SERPINF2: variants seen among roughly 807,000 people sequenced by gnomAD.
SERPINF2 encodes the protein serpin family F member 2.
In SERPINF2, 15 loss-of-function variants were observed where a neutral mutation model predicts 45.0. The ratio of observed to expected loss-of-function variants is 0.33; its 90% CI spans 0.22 to 0.51. The LOEUF (loss-of-function observed/expected upper bound fraction) is 0.51. SERPINF2 is among the 20% of genes least tolerant of loss of function. The pLI, the probability that SERPINF2 is intolerant of heterozygous loss-of-function variation, is 0.97. For synonymous variants in SERPINF2, 283 were observed against 277.9 expected (o/e 1.02, Z -0.18); for missense variants, 518 against 637.4 (o/e 0.81, Z 2.02).
rs749029655 is a variant in SERPINF2 at position 1,745,830 on chromosome 17, G to A, written c.288G>A (p.Leu96=). ...CCTTCACTGCCGACCTGTTCTCCCT[G>A]GTGGCTCAAACGTCCACCTGCCCCA... is the stretch of plus-strand genomic sequence containing the variant. ...MMAFTADLFS[L]VAQTSTCPNL... Residue 96 remains leucine (L), a synonymous_variant, in exon 5 of 10, where the codon CTG becomes CTA. Transcript: ENST00000453066. The surrounding 1 kb of genome is among the most constrained non-coding windows in gnomAD (Gnocchi z 6.2). 26 of 1,613,860 alleles carry A rather than the reference G, an allele frequency of 1.6e-5. No homozygotes were observed. The highest frequency in any genetic ancestry group is 5.0e-5 in the Admixed American group (3 of 59,982).
rs752512440 is a variant in SERPINF2 at position 1,745,177 on chromosome 17, C to A, written c.66C>A (p.Phe22Leu). 6.4e-6 allele frequency: 10 copies of A among 1,571,264 alleles called. No homozygotes were observed. Among genetic ancestry groups the A allele is most frequent in the Non-Finnish European group, 7.8e-6 (9 of 1,158,536 alleles). ...WSCLQGPCSV[F>L]SPVSAMEPLG... ...TATCCTCATCCCTTTCTCCACAGTT[C>A]TCCCCTGTGAGCGCCATGGAGCCCT... Residue 22 changes from phenylalanine (F) to leucine (L), a missense_variant and splice_region_variant, in exon 3 of 10, where the codon TTC becomes TTA. Physicochemically the swap from Phe to Leu is conservative, Grantham distance 22. Around this residue, in one of 2 missense-constraint regions of SERPINF2, gnomAD observed 435 missense variants for 577.3 expected, o/e 0.75. Coordinates refer to ENST00000453066, the MANE Select transcript of SERPINF2 (RefSeq NM_000934.4). The surrounding 1 kb of genome is among the most constrained non-coding windows in gnomAD (Gnocchi z 6.2).
Position 1,754,655 on chromosome 17 carries a change from C to T in SERPINF2, c.*121C>T. ...CGGGGGCAGTCTGAGAGAGGCCATT[C>T]TTTCCCAACACCTCTTGGGGAGTTT... On this transcript the variant is annotated 3_prime_UTR_variant, in exon 10 of 10. Coordinates refer to ENST00000453066, the MANE Select transcript of SERPINF2 (RefSeq NM_000934.4). The T allele has an allele frequency of 1.4e-6, 1 of 704,770 alleles. No homozygotes were observed. Among genetic ancestry groups the T allele is most frequent in the South Asian group, 1.9e-5 (1 of 53,280 alleles). 43.7% of individuals were successfully genotyped at this position (704,770 alleles called of 1,614,324 possible). A position where few individuals can be genotyped will look rare whatever the true frequency, so the allele number is the denominator to read the frequency against.
Position 1,754,681 on chromosome 17 carries a change from A to AGGGGGGGGGG in SERPINF2, c.*150_*151insGGGGGGGGGG. On this transcript the variant is annotated 3_prime_UTR_variant, in exon 10 of 10. Transcript: ENST00000453066. ...TTTCCCAACACCTCTTGGGGAGTTT[A>AGGGGGGGGGG]GGGTGGGGGGGGGGCGCGGCTGGGA... 1 of 87,772 alleles carries AGGGGGGGGGG rather than the reference A, an allele frequency of 1.1e-5. No homozygotes were observed. The highest frequency in any genetic ancestry group is 9.0e-5 in the South Asian group (1 of 11,088). 5.4% of individuals were successfully genotyped at this position (87,772 alleles called of 1,614,324 possible).
intron 9 of SERPINF2, 40 bp from the exon 10 acceptor site, chr17:1,754,082 C>A (rs1000891787): frequency 6.3e-7 from 1 of 1,598,594 alleles, no homozygotes; most frequent in Non-Finnish European, 8.5e-7. Context: ...GCCTGTGAGG[C>A]CAAGGGCAGC....
rs758012378 is a variant in SERPINF2 at position 1,748,659 on chromosome 17, G to A, written c.777G>A (p.Glu259=). The change falls in exon 8 of 10, where the codon GAG becomes GAA. Residue 259 remains glutamate (E), a synonymous_variant. Coordinates refer to ENST00000453066, the MANE Select transcript of SERPINF2 (RefSeq NM_000934.4). ...AGAGAGACTCCTTCCACCTGGACGAGCAGTTCACGGTGCCCGTGGAAATGA... is the reference window on the plus strand; with the variant it reads ...AGAGAGACTCCTTCCACCTGGACGAACAGTTCACGGTGCCCGTGGAAATGA... ...LTQRDSFHLD[E]QFTVPVEMMQ... 7 of 1,613,668 alleles carry A rather than the reference G, an allele frequency of 4.3e-6. No homozygotes were observed. Among genetic ancestry groups the A allele is most frequent in the East Asian group, 4.5e-5 (2 of 44,892 alleles).
At chr17:1,750,848 C>A (rs1343626517) in intron 8 of SERPINF2, among the ~76,000 whole-genome samples, 1 of 152,212 alleles carries the variant, frequency 6.6e-6, no homozygotes, top group African/African-American at 2.4e-5. Flanking sequence ...GGCTTCCCTG[C>A]AGCTCATTCT....
At position 1,745,431 on chromosome 17, in the gene SERPINF2, G is replaced by A. The variant is rs747935258; in HGVS notation, c.165+36G>A. On this transcript the variant is annotated intron_variant, in intron 4 of 9. Coordinates refer to ENST00000453066, the MANE Select transcript of SERPINF2 (RefSeq NM_000934.4). The surrounding 1 kb of genome is among the most constrained non-coding windows in gnomAD (Gnocchi z 6.2). ...GTGGGGCTGGGGAAGAGTGGGCGGG[G>A]CTAGAGGGAGGAGGGCCCATCGGCA... The A allele has an allele frequency of 1.9e-6, 3 of 1,589,384 alleles. No homozygotes were observed. Among genetic ancestry groups the A allele is most frequent in the South Asian group, 2.2e-5 (2 of 90,364 alleles).
intron 5 of SERPINF2, among the ~76,000 whole-genome samples, chr17:1,746,670 A>G (rs991314131): frequency 1.3e-5 from 2 of 151,778 alleles, no homozygotes; most frequent in Admixed American, 6.6e-5. Flanking sequence ...AAGGTGATCA[A>G]CCTGCCTCAG....
chr17:1,749,297 T>C (rs1451017455), intron 8 of SERPINF2, among the ~76,000 whole-genome samples: 2 of 151,926 alleles, frequency 1.3e-5, no homozygotes, highest in African/African-American at 4.8e-5. Flanking sequence ...TGGTGGCAGG[T>C]GCCTGTAATC....
chr17:1,747,689 C>T (rs1350992613), intron 7 of SERPINF2, among the ~76,000 whole-genome samples, 177 bp downstream of exon 7: 2 of 152,202 alleles, frequency 1.3e-5, no homozygotes, highest in Non-Finnish European at 2.9e-5. Flanking sequence ...CTCAGCCTCC[C>T]CAGTAGCTGG....
At chr17:1,744,031 G>T (rs1905557580) in intron 1 of SERPINF2, among the ~76,000 whole-genome samples, 1 of 151,492 alleles carries the variant, frequency 6.6e-6, no homozygotes, top group African/African-American at 2.4e-5. Flanking sequence ...GAGTAGCTGG[G>T]ATTACAGGGG....
chr17:1,754,791 G>T lies in SERPINF2; in HGVS notation c.*257G>T. ...GAGGGTGTCCTGCACCGGGGCCTGGGCAGGAGGGAGGTGCTTCTAGTTCTG... is the reference window on the plus strand; with the variant it reads ...GAGGGTGTCCTGCACCGGGGCCTGGTCAGGAGGGAGGTGCTTCTAGTTCTG... On this transcript the variant is annotated 3_prime_UTR_variant, in exon 10 of 10. Coordinates refer to ENST00000453066, the MANE Select transcript of SERPINF2 (RefSeq NM_000934.4). 1.9e-6 allele frequency: 1 copy of T among 540,016 alleles called. No individual in the cohort carries two copies. Among genetic ancestry groups the T allele is most frequent in the Non-Finnish European group, 3.2e-6 (1 of 310,342 alleles). The allele number at this position is 540,016 out of a possible 1,614,324, so 33.5% of individuals were successfully genotyped here.
rs1300497957 is a variant in SERPINF2, at chr17:1,748,760, CAGGCTGGGCCTG to C, written c.858+29_858+40del. ...ATCCAGGTCACCCTTGGTTGTCCAG[CAGGCTGGGCCTG>C]AGGCTGGGAGGTGGGGAAGGGAGTG... On this transcript the variant is annotated intron_variant, in intron 8 of 9. Transcript: ENST00000453066. The C allele has an allele frequency of 8.1e-7, 1 of 1,238,542 alleles. No homozygotes were observed. Among genetic ancestry groups the C allele is most frequent in the Non-Finnish European group, 1.2e-6 (1 of 839,056 alleles). The allele number at this position is 1,238,542 out of a possible 1,614,324, so 76.7% of individuals were successfully genotyped here.
In SERPINF2 at chr17:1,753,544, G is replaced by C. The variant is rs187560442; in HGVS notation, c.1064-578G>C. Among the ~76,000 whole-genome samples, 38 of 152,244 alleles carry C rather than the reference G, an allele frequency of 2.5e-4. 1 individual carries two copies. Among genetic ancestry groups the C allele is most frequent in the African/African-American group, 8.7e-4 (36 of 41,542 alleles). ...CCACTAAAAATACAAAAATTAGCCGGGCGTGGTGGCGCATGCCCATAATCC... is the reference window on the plus strand; with the variant it reads ...CCACTAAAAATACAAAAATTAGCCGCGCGTGGTGGCGCATGCCCATAATCC... On this transcript the variant is annotated intron_variant, in intron 9 of 9. Transcript: ENST00000453066.
intron 8 of SERPINF2, among the ~76,000 whole-genome samples, chr17:1,749,891 G>A (rs1906207866): frequency 2.0e-5 from 3 of 152,168 alleles, no homozygotes; most frequent in African/African-American, 7.2e-5. Context: ...TCCACGGGGC[G>A]CTCACACAGT....
rs1329233658 is a variant in SERPINF2 at position 1,754,340 on chromosome 17, C to G, written c.1282C>G (p.Leu428Val). The G allele has an allele frequency of 3.7e-6, 6 of 1,614,182 alleles. No individual in the cohort carries two copies. The highest frequency in any genetic ancestry group is 1.7e-5 in the Admixed American group (1 of 60,000). ...CTTCGAGGACACCACAGGCCTTCCCCTCTTCGTGGGCAGCGTGAGGAACCC... is the reference window on the plus strand; with the variant it reads ...CTTCGAGGACACCACAGGCCTTCCCGTCTTCGTGGGCAGCGTGAGGAACCC... ...FIFEDTTGLPLFVGSVRNPNP... is the reference protein window; with the variant it reads ...FIFEDTTGLPVFVGSVRNPNP... Residue 428 changes from leucine (L) to valine (V), a missense_variant, in exon 10 of 10, where the codon CTC becomes GTC. By Grantham distance (32) the Leu-to-Val change is conservative. Around this residue, in one of 2 missense-constraint regions of SERPINF2, gnomAD observed 435 missense variants for 577.3 expected, o/e 0.75. Coordinates refer to ENST00000453066, the MANE Select transcript of SERPINF2 (RefSeq NM_000934.4).
intron 1 of SERPINF2, 95 bp from the exon 2 acceptor site, chr17:1,744,897 C>T (rs755242840): frequency 2.5e-6 from 4 of 1,600,230 alleles, no homozygotes; most frequent in Non-Finnish European, 3.4e-6. Context: ...GCAATCATGA[C>T]CCAGGACTTG....
chr17:1,753,293 G>C (rs1429712087), intron 9 of SERPINF2, among the ~76,000 whole-genome samples: 2 of 152,182 alleles, frequency 1.3e-5, no homozygotes, highest in African/African-American at 4.8e-5. Flanking sequence ...GGAGGTTGAG[G>C]TGGGAGGCCC....
Position 1,753,974 on chromosome 17 carries a change from G to A in SERPINF2, c.1064-148G>A, listed in dbSNP as rs1906613557. 4.5e-6 allele frequency: 4 copies of A among 883,122 alleles called. No individual in the cohort carries two copies. The South Asian group carries it at 4.8e-5, about 11-fold the overall frequency. The allele number at this position is 883,122 out of a possible 1,614,324, so 54.7% of individuals were successfully genotyped here. A position where few individuals can be genotyped will look rare whatever the true frequency, so the allele number is the denominator to read the frequency against. ...GCTTCCTGGAGGAGGTGGTGTTTAA[G>A]CTGAGTCTTGGAAACCGGATAGGAA... On this transcript the variant is annotated intron_variant, in intron 9 of 9. Transcript: ENST00000453066.
Sources: allele counts gnomAD v4.1 joint callset (sites outside exome capture counted in the v4.1 genomes callset), GRCh38; gene constraint gnomAD v4.1.1; regional missense constraint gnomAD v4.1.1; non-coding constraint Gnocchi (gnomAD v3.1); transcripts MANE v1.5; gene names NCBI Gene and HGNC (gene_info 2026-07-23, HGNC 2026-07-21).